GRID1: variants seen among roughly 807,000 people sequenced by gnomAD.
The protein encoded by GRID1 is glutamate ionotropic receptor delta type subunit 1.
GRID1 carries 28 observed loss-of-function variants against 98.0 expected under a neutral mutation model. That is an observed-to-expected ratio of 0.29 (90% CI 0.21 to 0.39). The LOEUF (loss-of-function observed/expected upper bound fraction) is 0.39. Ranked by LOEUF, GRID1 falls within the 10% of genes least tolerant of loss-of-function variation. GRID1 has a pLI of 1.00. For synonymous variants in GRID1, 553 were observed against 538.5 expected, an observed-to-expected ratio of 1.03 and a Z score of -0.37; for missense variants, 1,111 against 1,340.5, an observed-to-expected ratio of 0.83 and a Z score of 2.67.
At chr10:86,056,675 C>T (rs148982766) in intron 4 of GRID1, among the ~76,000 whole-genome samples, 91 of 152,356 alleles carry the variant, frequency 6.0e-4, no homozygotes, top group Middle Eastern at 3.4e-3. Context: ...ATCATTGAGG[C>T]AGCAGCTCCC....
At chr10:85,775,263 G>T (rs940908026) in intron 8 of GRID1, among the ~76,000 whole-genome samples, 20 of 144,512 alleles carry the variant, frequency 1.4e-4, no homozygotes, top group African/African-American at 4.1e-4. Context: ...ACTCATAGGT[G>T]GGAATTGAAC....
At chr10:85,982,103 T>C (rs1304028480) in intron 4 of GRID1, among the ~76,000 whole-genome samples, 5 of 150,510 alleles carry the variant, frequency 3.3e-5, no homozygotes, top group African/African-American at 1.2e-4. Context: ...AGGCTCCAGG[T>C]GAGTCTGGGG....
chr10:86,099,242 G>T lies in GRID1; in HGVS notation c.726+39577C>A, dbSNP rs182921592. Among the ~76,000 whole-genome samples the T allele has an allele frequency of 2.4e-4, 37 of 152,276 alleles. 1 individual carries two copies. The East Asian group carries it at 5.6e-3, about 23-fold the overall frequency. ...TAACAGCAATTTCCTCCTGGGGCAG[G>T]TAAGAGTCAAATGAATCATAGATGA... is the stretch of plus-strand genomic sequence containing the variant. On this transcript the variant is annotated intron_variant, in intron 4 of 15. Coordinates refer to ENST00000327946, the MANE Select transcript of GRID1 (RefSeq NM_017551.3).
At chr10:86,135,729 G>A (rs1844914688) in intron 4 of GRID1, among the ~76,000 whole-genome samples, 1 of 152,182 alleles carries the variant, frequency 6.6e-6, no homozygotes, top group Admixed American at 6.5e-5. Context: ...GGCCCCGACA[G>A]CAGAGCCCCT....
intron 4 of GRID1, among the ~76,000 whole-genome samples, chr10:85,925,716 G>A (rs1841765831): frequency 1.3e-5 from 2 of 152,232 alleles, no homozygotes; most frequent in Non-Finnish European, 2.9e-5. Flanking sequence ...TTTTGGACAG[G>A]AGAGTCCCTC....
At chr10:85,866,303 C>CA (rs201164587) in intron 6 of GRID1, among the ~76,000 whole-genome samples, 8,232 of 65,060 alleles carry the variant, frequency 0.13, 400 homozygotes, top group Non-Finnish European at 0.17. Context: ...TAAATCACAC[C>CA]AAAAAAAAAA....
intron 3 of GRID1, among the ~76,000 whole-genome samples, chr10:86,178,724 C>T (rs182952089): frequency 6.6e-6 from 1 of 152,298 alleles, no homozygotes; most frequent in Admixed American, 6.5e-5. Flanking sequence ...GCCCTTTCTG[C>T]CTTTGAGAGG....
chr10:85,781,293 G>A (rs1230313185), intron 8 of GRID1, among the ~76,000 whole-genome samples: 1 of 152,158 alleles, frequency 6.6e-6, no homozygotes, highest in African/African-American at 2.4e-5. Flanking sequence ...CTGGACTTCT[G>A]AGTCATAATA....
Position 86,278,170 on chromosome 10 carries a change from C to T in GRID1, c.236-71522G>A, listed in dbSNP as rs187942945. On this transcript the variant is annotated intron_variant, in intron 2 of 15. Coordinates refer to ENST00000327946, the MANE Select transcript of GRID1 (RefSeq NM_017551.3). ...GATTCAAGGTAAATGACTCATTTTA[C>T]ATCCAAAGATATAAGTAGCTCAAAA... Among the ~76,000 whole-genome samples the T allele has an allele frequency of 4.3e-3, 657 of 152,140 alleles. 6 individuals are homozygous for T. The highest frequency in any genetic ancestry group is 0.015 in the African/African-American group (624 of 41,532).
intron 4 of GRID1, among the ~76,000 whole-genome samples, chr10:86,073,669 G>T (rs1432610579): frequency 1.3e-5 from 2 of 152,214 alleles, no homozygotes; most frequent in African/African-American, 4.8e-5. Context: ...TTGAGCTCCG[G>T]ATCATAAGGT....
chr10:86,029,273 G>T (rs1014851375), intron 4 of GRID1, among the ~76,000 whole-genome samples: 7 of 152,188 alleles, frequency 4.6e-5, no homozygotes, highest in African/African-American at 1.7e-4. Context: ...CACTGTCCTT[G>T]ACTCTTCTCT....
At chr10:86,211,480 G>A (rs995278415) in intron 2 of GRID1, among the ~76,000 whole-genome samples, 8 of 152,188 alleles carry the variant, frequency 5.3e-5, no homozygotes, top group Admixed American at 3.9e-4. Context: ...CTCAGAGCTC[G>A]GCATTGGGGG....
intron 4 of GRID1, among the ~76,000 whole-genome samples, chr10:86,037,417 T>C (rs928211098): frequency 6.6e-6 from 1 of 152,200 alleles, no homozygotes; most frequent in Non-Finnish European, 1.5e-5. Context: ...ATAGTAATAA[T>C]AATACCCACC....
At chr10:86,057,196 C>T (rs560107110) in intron 4 of GRID1, among the ~76,000 whole-genome samples, 1 of 152,306 alleles carries the variant, frequency 6.6e-6, no homozygotes, top group African/African-American at 2.4e-5. Context: ...GTAGAAGGAG[C>T]ATTAAAGAAA....
intron 4 of GRID1, among the ~76,000 whole-genome samples, chr10:85,979,870 C>T (rs1842523167): frequency 6.6e-6 from 1 of 152,242 alleles, no homozygotes; most frequent in African/African-American, 2.4e-5. Context: ...AAGTTACCTT[C>T]ATCTGTTGCC....
At chr10:85,602,814 G>A in intron 15 of GRID1, 113 bp from the exon 16 acceptor site, 1 of 715,374 alleles carries the variant, frequency 1.4e-6, no homozygotes, top group South Asian at 1.9e-5. Context: ...TTGGGCTGTG[G>A]GCGAGTATCC....
intron 8 of GRID1, among the ~76,000 whole-genome samples, chr10:85,795,769 A>T (rs1016136388): frequency 2.6e-5 from 4 of 152,204 alleles, no homozygotes; most frequent in African/African-American, 9.6e-5. Flanking sequence ...ATCTTACAGC[A>T]GGGCTTGCAG....
At chr10:85,940,400 T>G (rs1841983993) in intron 4 of GRID1, among the ~76,000 whole-genome samples, 1 of 152,102 alleles carries the variant, frequency 6.6e-6, no homozygotes, top group African/African-American at 2.4e-5. Context: ...GAGCTGAGAG[T>G]AGTGATATCA....
intron 4 of GRID1, among the ~76,000 whole-genome samples, chr10:85,917,646 A>G (rs1245427122): frequency 2.0e-5 from 3 of 152,228 alleles, no homozygotes; most frequent in Non-Finnish European, 4.4e-5. Context: ...GCCTGTGCCA[A>G]CGACCCCACA....
Sources: allele counts gnomAD v4.1 joint callset (sites outside exome capture counted in the v4.1 genomes callset), GRCh38; gene constraint gnomAD v4.1.1; transcripts MANE v1.5; gene names NCBI Gene and HGNC (gene_info 2026-07-23, HGNC 2026-07-21).